PLPP3: variants seen among roughly 807,000 people sequenced by gnomAD.
The protein encoded by PLPP3 is PAP2 beta.
PLPP3 carries 6 observed loss-of-function variants against 29.6 expected under a neutral mutation model. The ratio of observed to expected loss-of-function variants is 0.20; its 90% CI spans 0.11 to 0.40. The LOEUF (loss-of-function observed/expected upper bound fraction) is 0.40. Among genes scored for constraint, PLPP3 ranks in the 10% least tolerant of loss-of-function variants. PLPP3 has a pLI of 1.00. For missense variants in PLPP3, 308 were observed against 407.7 expected (o/e 0.76, Z 2.11); for synonymous variants, 152 against 159.7 (o/e 0.95, Z 0.36).
intron 1 of PLPP3, among the ~76,000 whole-genome samples, chr1:56,576,795 C>A (rs1646238877): frequency 6.6e-6 from 1 of 152,146 alleles, no homozygotes; most frequent in African/African-American, 2.4e-5. Context: ...AGAACTGAAA[C>A]ATGCATATGC....
chr1:56,505,124 T>C (rs1320621529), intron 5 of PLPP3, among the ~76,000 whole-genome samples: 1 of 152,236 alleles, frequency 6.6e-6, no homozygotes, highest in Admixed American at 6.5e-5. Flanking sequence ...CTGCACTAGA[T>C]AAGCTCTTTA....
In PLPP3 at chr1:56,549,619, C is replaced by T. The variant is rs944207395; in HGVS notation, c.140-12507G>A. ...AGGTTTCATTTCCATAGCATCTTTACGTGATAGAGGGGCTTCACTACCTAC... is the reference window on the plus strand; with the variant it reads ...AGGTTTCATTTCCATAGCATCTTTATGTGATAGAGGGGCTTCACTACCTAC... On this transcript the variant is annotated intron_variant, in intron 1 of 5. Transcript: ENST00000371250. Among the ~76,000 whole-genome samples, 6 of 152,222 alleles carry T rather than the reference C, an allele frequency of 3.9e-5. No individual in the cohort carries two copies. In the East Asian group the frequency reaches 9.6e-4, roughly 24 times the overall value.
chr1:56,510,437 G>A (rs1461980443), intron 5 of PLPP3, among the ~76,000 whole-genome samples: 1 of 152,250 alleles, frequency 6.6e-6, no homozygotes, highest in Non-Finnish European at 1.5e-5. Flanking sequence ...GGATTCCCAT[G>A]TCAAAGGCTG....
At chr1:56,533,893 C>T (rs1645907162) in intron 2 of PLPP3, among the ~76,000 whole-genome samples, 1 of 152,144 alleles carries the variant, frequency 6.6e-6, no homozygotes, top group Admixed American at 6.5e-5. Context: ...TTGACTTTTT[C>T]TCTAGTTAGG....
chr1:56,506,858 G>A (rs947138199), intron 5 of PLPP3, among the ~76,000 whole-genome samples: 3 of 152,116 alleles, frequency 2.0e-5, no homozygotes, highest in African/African-American at 7.2e-5. Context: ...GTACGATTGG[G>A]TCTGCCCATG....
rs59418227 is a variant in PLPP3, at chr1:56,509,832, C to CAA, written c.810+2142_810+2143dup. 8.7e-3 allele frequency among the ~76,000 whole-genome samples: 747 copies of CAA among 85,562 alleles called. 26 individuals are homozygous for CAA. Among genetic ancestry groups the CAA allele is most frequent in the East Asian group, 0.031 (89 of 2,906 alleles). The allele number at this position is 85,562 out of a possible 152,430, so 56.1% of individuals were successfully genotyped here. ...AGCCTGGGTGAGAGAGCGAGACTCT[C>CAA]AAAAAAAAAAAAAAAAAAAAAGGAA... On this transcript the variant is annotated intron_variant, in intron 5 of 5. Coordinates refer to ENST00000371250, the MANE Select transcript of PLPP3 (RefSeq NM_003713.5).
chr1:56,562,557 A>G (rs966294455), intron 1 of PLPP3, among the ~76,000 whole-genome samples: 2 of 152,190 alleles, frequency 1.3e-5, no homozygotes, highest in Non-Finnish European at 2.9e-5. Flanking sequence ...GTTGCAAAAT[A>G]TTTTTCTATA....
At chr1:56,511,873 G>A in intron 5 of PLPP3, 103 bp downstream of exon 5, 1 of 1,419,110 alleles carries the variant, frequency 7.0e-7, no homozygotes, top group Non-Finnish European at 9.8e-7. Flanking sequence ...ACCAAGCAGA[G>A]GACAGGAACG....
chr1:56,565,975 T>C (rs530233689), intron 1 of PLPP3, among the ~76,000 whole-genome samples: 36 of 152,296 alleles, frequency 2.4e-4, no homozygotes, highest in African/African-American at 8.4e-4. Context: ...TTAGCAGAAA[T>C]AAACAAGACC....
intron 1 of PLPP3, among the ~76,000 whole-genome samples, chr1:56,552,237 A>AAAG (rs1335631516): frequency 6.6e-6 from 1 of 151,778 alleles, no homozygotes; most frequent in East Asian, 1.9e-4. Flanking sequence ...AAAAAAAAAA[A>AAAG]AAAGAAAGAA....
chr1:56,509,456 G>T (rs1306830949), intron 5 of PLPP3, among the ~76,000 whole-genome samples: 1 of 152,126 alleles, frequency 6.6e-6, no homozygotes, highest in African/African-American at 2.4e-5. Flanking sequence ...CTGTCTATTA[G>T]CTCTCTGACC....
At chr1:56,535,167 G>C (rs761461510) in intron 2 of PLPP3, among the ~76,000 whole-genome samples, 3 of 152,156 alleles carry the variant, frequency 2.0e-5, no homozygotes, top group Non-Finnish European at 4.4e-5. Context: ...GTATCTCTAT[G>C]TAACAGATGT....
At chr1:56,566,643 A>C (rs1646163694) in intron 1 of PLPP3, among the ~76,000 whole-genome samples, 1 of 152,214 alleles carries the variant, frequency 6.6e-6, no homozygotes, top group African/African-American at 2.4e-5. Flanking sequence ...ACCAGGTTTG[A>C]AACATTTCCC....
chr1:56,522,942 G>A (rs1645829233), intron 4 of PLPP3, among the ~76,000 whole-genome samples: 1 of 152,158 alleles, frequency 6.6e-6, no homozygotes, highest in African/African-American at 2.4e-5. Flanking sequence ...CCAGCCCTCT[G>A]TCTGTCCAGC....
chr1:56,529,314 AG>A (rs1474587110), intron 2 of PLPP3, among the ~76,000 whole-genome samples: 2 of 152,144 alleles, frequency 1.3e-5, no homozygotes, highest in Admixed American at 1.3e-4. Flanking sequence ...GCTTTCTCTT[AG>A]AAGTCCTACT....
rs370274222 is a variant in PLPP3 at position 56,497,071 on chromosome 1, C to A, written c.811-395G>T. On this transcript the variant is annotated intron_variant, in intron 5 of 5. Coordinates refer to ENST00000371250, the MANE Select transcript of PLPP3 (RefSeq NM_003713.5). The stretch of plus-strand genomic sequence containing the variant: ...ATTCACACTACTTTCCCTTTCCTCA[C>A]AAAGGAATCCAGGGTGTAACCGAAA... Among the ~76,000 whole-genome samples the A allele has an allele frequency of 8.5e-5, 13 of 152,324 alleles. 1 individual carries two copies. Among genetic ancestry groups the A allele is most frequent in the African/African-American group, 2.9e-4 (12 of 41,570 alleles).
At chr1:56,523,740 CCTAAA>C (rs1416628863) in intron 4 of PLPP3, 78 bp downstream of exon 4, 26 of 1,446,540 alleles carry the variant, frequency 1.8e-5, no homozygotes, top group Non-Finnish European at 2.3e-5. Flanking sequence ...ATGGCATGCC[CCTAAA>C]CTATTTTGAG....
At chr1:56,541,893 C>G (rs1645972094) in intron 1 of PLPP3, among the ~76,000 whole-genome samples, 1 of 150,944 alleles carries the variant, frequency 6.6e-6, no homozygotes, top group Non-Finnish European at 1.5e-5. Flanking sequence ...TCATCAAACT[C>G]TGAACGCAAT....
In PLPP3 at chr1:56,495,242, C is replaced by T. The variant is rs888889633; in HGVS notation, c.*1309G>A. On this transcript the variant is annotated 3_prime_UTR_variant, in exon 6 of 6. Coordinates refer to ENST00000371250, the MANE Select transcript of PLPP3 (RefSeq NM_003713.5). The stretch of plus-strand genomic sequence containing the variant: ...GTTGATCCATATGGTTACATTTAAC[C>T]CTTTGAAAGGTCTGCATCCAAGATC... 1 of 152,428 alleles carries T rather than the reference C, an allele frequency of 6.6e-6. No individual in the cohort carries two copies. The highest frequency in any genetic ancestry group is 2.4e-5 in the African/African-American group (1 of 41,352). The allele number at this position is 152,428 out of a possible 1,614,324, so 9.4% of individuals were successfully genotyped here.
Sources: gnomAD v4.1 joint callset for allele counts (sites outside exome capture counted in the v4.1 genomes callset) on GRCh38, gnomAD v4.1.1 for gene constraint, MANE v1.5 for transcripts, NCBI Gene and HGNC (gene_info 2026-07-23, HGNC 2026-07-21) for gene names.